Variants in ETNPPL observed in about 807,000 individuals in gnomAD.
ETNPPL encodes ethanolamine-phosphate phospho-lyase, also known as alanine--glyoxylate aminotransferase 2-like 1.
ETNPPL carries 30 observed loss-of-function variants against 55.5 expected under a neutral mutation model. That is an observed-to-expected ratio of 0.54 (90% CI 0.40 to 0.73). ETNPPL has a LOEUF of 0.73. ETNPPL is among the 30% of genes least tolerant of loss of function. The pLI is 0.00. For missense variants in ETNPPL, 528 were observed against 607.9 expected (o/e 0.87, Z 1.38); for synonymous variants, 202 against 207.2 (o/e 0.98, Z 0.21).
At chr4:108,758,269 C>T (rs1480742044) in intron 3 of ETNPPL, among the ~76,000 whole-genome samples, 4 of 151,996 alleles carry the variant, frequency 2.6e-5, no homozygotes, top group Non-Finnish European at 5.9e-5. Context: ...GGATTACAGG[C>T]ATGAGCCACC....
chr4:108,744,294 A>G (rs1217660439), intron 11 of ETNPPL, among the ~76,000 whole-genome samples: 2 of 152,040 alleles, frequency 1.3e-5, no homozygotes, highest in Non-Finnish European at 2.9e-5. Flanking sequence ...TATCAAAATT[A>G]CTTTAAGATT....
Position 108,746,470 on chromosome 4 carries a change from AT to A in ETNPPL, c.1231del (p.Ile411Ter). ...TTCAGTGAAGCACATAGGTGGTTTT[AT>A]TTTAAGTACATTTCTATGAGGTCCA... The part of the protein sequence containing the change: ...ADGPHRNVLK[I>X]KPPMCFTEED... On this transcript the variant is annotated frameshift_variant, in exon 11 of 13. Transcript: ENST00000296486. LOFTEE classifies it high-confidence loss of function. The A allele has an allele frequency of 1.2e-6, 2 of 1,613,834 alleles. No individual in the cohort carries two copies. The highest frequency in any genetic ancestry group is 1.7e-6 in the Non-Finnish European group (2 of 1,179,980).
At chr4:108,744,695 A>G (rs1426286059) in intron 11 of ETNPPL, among the ~76,000 whole-genome samples, 2 of 151,788 alleles carry the variant, frequency 1.3e-5, no homozygotes, top group Admixed American at 6.6e-5. Context: ...GAAGGCTGAG[A>G]AGCAAGTAGA....
chr4:108,760,288 G>T lies in ETNPPL; in HGVS notation c.75C>A (p.Phe25Leu). 12 of 1,606,878 alleles carry T rather than the reference G, an allele frequency of 7.5e-6. No homozygotes were observed. The highest frequency in any genetic ancestry group is 1.0e-5 in the Non-Finnish European group (12 of 1,174,152). ...KKHIGPSCKV[F>L]FASDPIKIVR... is the part of the protein sequence containing the mutation. The stretch of plus-strand genomic sequence containing the variant: ...CTATTTTGATGGGATCCGATGCAAA[G>T]AAAACTTTGCATGAGGGCCTAGAAA... Residue 25 changes from phenylalanine to leucine, a missense_variant, in exon 2 of 13, where the codon TTC (phenylalanine) becomes TTA (leucine). Phe to Leu is a conservative substitution (Grantham distance 22). Coordinates refer to ENST00000296486, the MANE Select transcript of ETNPPL (RefSeq NM_031279.4).
intron 5 of ETNPPL, 83 bp from the exon 6 acceptor site, chr4:108,753,094 GT>G: frequency 1.4e-6 from 1 of 734,194 alleles, no homozygotes. Flanking sequence ...ACAAGAACAT[GT>G]TAGAATGGTG....
intron 11 of ETNPPL, among the ~76,000 whole-genome samples, chr4:108,744,239 C>T (rs59677707): frequency 0.085 from 12,876 of 150,894 alleles, 1,043 homozygotes; most frequent in East Asian, 0.48. Flanking sequence ...CCAGCCTGGG[C>T]GACAGAGTGA....
intron 3 of ETNPPL, 69 bp from the exon 4 acceptor site, chr4:108,756,561 G>T (rs988546840): frequency 3.9e-5 from 47 of 1,191,658 alleles, no homozygotes; most frequent in Non-Finnish European, 5.4e-5. Flanking sequence ...GATGTGCCAG[G>T]CACGGTAGCT....
At chr4:108,747,785 G>C in intron 9 of ETNPPL, 1 of 435,090 alleles carries the variant, frequency 2.3e-6, no homozygotes, top group Non-Finnish European at 4.0e-6. Context: ...CTGGAATGCA[G>C]TGGCACAATC....
At chr4:108,762,113 A>G (rs1388221727) in intron 1 of ETNPPL, 1 of 217,834 alleles carries the variant, frequency 4.6e-6, no homozygotes, top group African/African-American at 2.2e-5. Context: ...CATAGAAGAG[A>G]CAATTAATTT....
intron 10 of ETNPPL, 110 bp downstream of exon 10, chr4:108,746,652 G>C: frequency 6.9e-7 from 1 of 1,459,104 alleles, no homozygotes; most frequent in Non-Finnish European, 9.5e-7. Context: ...TAAATAGGAT[G>C]TATTTAAACT....
chr4:108,759,046 T>G (rs1015463540), intron 3 of ETNPPL, among the ~76,000 whole-genome samples: 1 of 152,030 alleles, frequency 6.6e-6, no homozygotes, highest in African/African-American at 2.4e-5. Flanking sequence ...CGAAACTCCA[T>G]CTCAAAAAAA....
Position 108,746,523 on chromosome 4 carries a change from T to C in ETNPPL, c.1179A>G (p.Lys393=). 6.2e-7 allele frequency: 1 copy of C among 1,612,416 alleles called. No homozygotes were observed. Among genetic ancestry groups the C allele is most frequent in the South Asian group, 1.1e-5 (1 of 90,848 alleles). The change falls in exon 11 of 13, where the codon AAA becomes AAG. Residue 393 remains lysine (K), a synonymous_variant. Coordinates refer to ENST00000296486, the MANE Select transcript of ETNPPL (RefSeq NM_031279.4). ...CGGCACTGAGAAGCACTCGTTTTTCTTTCATCCTAATTTGTGTAGGAAATA... is the reference window on the plus strand; with the variant it reads ...CGGCACTGAGAAGCACTCGTTTTTCCTTCATCCTAATTTGTGTAGGAAATA... The part of the protein sequence containing the change: ...AEAQHIIYKM[K]EKRVLLSADG...
chr4:108,761,477 C>A lies in ETNPPL; in HGVS notation c.57-1171G>T, dbSNP rs892585150. Among the ~76,000 whole-genome samples, 14 of 152,170 alleles carry A rather than the reference C, an allele frequency of 9.2e-5. 1 individual carries two copies. Among genetic ancestry groups the A allele is most frequent in the African/African-American group, 3.4e-4 (14 of 41,496 alleles). ...AAACTCAGCTGTTAGTTTATACCTACAAGTTAAAATCCAAAAAAAAACTTT... is the reference window on the plus strand; with the variant it reads ...AAACTCAGCTGTTAGTTTATACCTAAAAGTTAAAATCCAAAAAAAAACTTT... On this transcript the variant is annotated intron_variant, in intron 1 of 12. Coordinates refer to ENST00000296486, the MANE Select transcript of ETNPPL (RefSeq NM_031279.4).
At chr4:108,761,902 A>G (rs1477111132) in intron 1 of ETNPPL, among the ~76,000 whole-genome samples, 1 of 152,000 alleles carries the variant, frequency 6.6e-6, no homozygotes, top group Non-Finnish European at 1.5e-5. Flanking sequence ...CTTCCTTGTA[A>G]CCCCAAGTGC....
At chr4:108,747,379 G>A (rs1728657787) in intron 9 of ETNPPL, among the ~76,000 whole-genome samples, 1 of 148,292 alleles carries the variant, frequency 6.7e-6, no homozygotes, top group Non-Finnish European at 1.5e-5. Flanking sequence ...TTCATCTTTT[G>A]GGTGCTGACA....
rs775197279 is a variant in ETNPPL, at chr4:108,756,421, T to G, written c.407A>C (p.Asp136Ala). The G allele has an allele frequency of 1.2e-6, 2 of 1,612,960 alleles. No individual in the cohort carries two copies. Among genetic ancestry groups the G allele is most frequent in the Non-Finnish European group, 1.7e-6 (2 of 1,178,888 alleles). ...AAATCTTGTGTCCAAGACTTACTGGTCAAGAGTGATCACATCCTGGTGGCC... is the reference window on the plus strand; with the variant it reads ...AAATCTTGTGTCCAAGACTTACTGGGCAAGAGTGATCACATCCTGGTGGCC... ...FRGHQDVITL[D>A]HAYHGHLSSL... The change falls in exon 4 of 13, where the codon GAC becomes GCC. Residue 136 changes from aspartate (D) to alanine (A), a missense_variant. By Grantham distance (126) the Asp-to-Ala change is moderately radical. Transcript: ENST00000296486.
intron 6 of ETNPPL, 44 bp from the exon 7 acceptor site, chr4:108,751,062 C>A: frequency 7.3e-7 from 1 of 1,361,468 alleles, no homozygotes; most frequent in African/African-American, 1.4e-5. Context: ...GGTCCCCCTA[C>A]AACCCCCCTA....
Position 108,746,880 on chromosome 4 carries a change from A to G in ETNPPL, c.1083-29T>C, listed in dbSNP as rs372929197. 2.7e-5 allele frequency: 41 copies of G among 1,501,852 alleles called. No homozygotes were observed. The African/African-American group carries it at 3.2e-4, about 12-fold the overall frequency. The allele number at this position is 1,501,852 out of a possible 1,614,324, so 93.0% of individuals were successfully genotyped here. On this transcript the variant is annotated intron_variant, in intron 9 of 12. Coordinates refer to ENST00000296486, the MANE Select transcript of ETNPPL (RefSeq NM_031279.4). ...CGAGAGGTGAAGAAAAACTTGACCC[A>G]CAATCTGTCCAACTCTTCACTGTCA...
chr4:108,753,776 G>GAAAGAAAGAAAGAAAGAAA (rs1729038526), intron 5 of ETNPPL, among the ~76,000 whole-genome samples: 1 of 121,480 alleles, frequency 8.2e-6, no homozygotes, highest in Non-Finnish European at 1.7e-5. Context: ...AAGAAAGAAA[G>GAAAGAAAGAAAGAAAGAAA]AAAGAAAGAA....
Sources: allele counts gnomAD v4.1 joint callset (sites outside exome capture counted in the v4.1 genomes callset), GRCh38; gene constraint gnomAD v4.1.1; transcripts MANE v1.5; gene names NCBI Gene and HGNC (gene_info 2026-07-23, HGNC 2026-07-21).